CLEC12A: variants seen among roughly 807,000 people sequenced by gnomAD.
CLEC12A encodes the protein C-type lectin protein CLL-1.
A neutral mutation model predicts 26.5 loss-of-function variants in CLEC12A; 22 were observed. That is an observed-to-expected ratio of 0.83 (90% confidence interval 0.59 to 1.19). The LOEUF is 1.19. Among genes scored for constraint, CLEC12A ranks in the 50% most tolerant of loss-of-function variants. The probability of loss-of-function intolerance (pLI) is 0.00; values close to 1 mark genes in which losing one functional copy is unlikely to be tolerated. For missense variants in CLEC12A, 353 were observed against 315.6 expected, an observed-to-expected ratio of 1.12 and a Z score of -0.90; for synonymous variants, 119 against 101.9, an observed-to-expected ratio of 1.17 and a Z score of -1.01.
chr12:9,986,088 C>T (rs1343790594), downstream of CLEC12A: 11 of 454,354 alleles, frequency 2.4e-5, no homozygotes, highest in East Asian at 7.0e-5. Context: ...ATACAGATCC[C>T]GGCCCAGTGG....
chr12:9,995,859 C>G (rs1238034444), downstream of CLEC12A, among the ~76,000 whole-genome samples: 1 of 152,098 alleles, frequency 6.6e-6, no homozygotes, highest in African/African-American at 2.4e-5. Flanking sequence ...TTGGCTGTTG[C>G]TTTAACTAGA....
Position 9,982,069 on chromosome 12 carries a change from C to T in CLEC12A, c.581C>T (p.Ser194Phe), listed in dbSNP as rs759863424. 8 of 1,601,174 alleles carry T rather than the reference C, an allele frequency of 5.0e-6. No individual in the cohort carries two copies. The East Asian group carries it at 1.8e-4, about 36-fold the overall frequency. ...SRSYDYWLGL[S>F]PEEDSTRGMR... ...TCATATGACTATTGGCTGGGATTAT[C>T]TCCTGAAGAAGATTCCACTCGTGGT... Residue 194 changes from serine to phenylalanine, a missense_variant, in exon 5 of 6, where the codon TCT becomes TTT. Transcript: ENST00000304361.
At chr12:9,993,950 C>CT (rs1239997297) in intron 4 of CLEC12A, among the ~76,000 whole-genome samples, 3 of 152,036 alleles carry the variant, frequency 2.0e-5, no homozygotes, top group African/African-American at 7.2e-5. Context: ...AAGCTAATGT[C>CT]TTTCTTGTTG....
At chr12:10,005,473 G>A in the CLEC12A span, among the ~76,000 whole-genome samples, 3 of 152,116 alleles carry the variant, frequency 2.0e-5, no homozygotes, top group Admixed American at 6.5e-5. Context: ...TTGCTTCTAC[G>A]ATGACAGCTG....
chr12:10,002,645 T>C, the CLEC12A span, among the ~76,000 whole-genome samples: 1 of 151,866 alleles, frequency 6.6e-6, no homozygotes, highest in African/African-American at 2.4e-5. Flanking sequence ...GGTTTCACCG[T>C]GTTAGCCAGG....
intron 5 of CLEC12A, chr12:9,983,465 CTTT>C: frequency 1.5e-6 from 1 of 688,466 alleles, no homozygotes; most frequent in Non-Finnish European, 2.6e-6. Flanking sequence ...GAAAAAAAGT[CTTT>C]ACATATAAAA....
At chr12:9,997,046 C>T (rs1218047490), downstream of CLEC12A, 2 of 1,610,296 alleles carry the variant, frequency 1.2e-6, no homozygotes, top group Non-Finnish European at 1.7e-6. Flanking sequence ...CTAAATTGGG[C>T]TTACATTTTC....
chr12:9,997,090 C>T, downstream of CLEC12A: 1 of 1,609,236 alleles, frequency 6.2e-7, no homozygotes, highest in Non-Finnish European at 8.5e-7. Flanking sequence ...ATCTCAAACT[C>T]CCTTCAGTTG....
At chr12:10,004,606 A>T in the CLEC12A span, among the ~76,000 whole-genome samples, 5 of 151,514 alleles carry the variant, frequency 3.3e-5, no homozygotes. Flanking sequence ...TCTGATCTGG[A>T]GCCTGGAGTT....
chr12:9,995,077 G>T (rs561003040), exon 5 of CLEC12A: 1 of 1,602,310 alleles, frequency 6.2e-7, no homozygotes, highest in Admixed American at 1.7e-5. Context: ...ACTGAGAGAA[G>T]AGGGAATCTC....
At chr12:9,981,927 C>A (rs559466180) in intron 4 of CLEC12A, 93 bp from the exon 5 acceptor site, 18 of 645,864 alleles carry the variant, frequency 2.8e-5, no homozygotes, top group Non-Finnish European at 4.5e-5. Flanking sequence ...CAGTATGTTA[C>A]CTTAAAACAG....
chr12:10,002,536 G>A, the CLEC12A span, among the ~76,000 whole-genome samples: 259 of 146,628 alleles, frequency 1.8e-3, 1 homozygote, highest in Non-Finnish European at 3.1e-3. Context: ...TCCGCCTCCC[G>A]GGTTCACCCC....
rs527488423 is a variant in CLEC12A, at chr12:9,994,384, T to C, written n.1005-634T>C. 3.9e-5 allele frequency among the ~76,000 whole-genome samples: 6 copies of C among 152,298 alleles called. No individual in the cohort carries two copies. In the South Asian group the frequency reaches 1.2e-3, roughly 32 times the overall value. ...TTGTAGTATCCTAAGATCCTATCTA[T>C]AGTAAATACTTAATAAATATTTGTT... On this transcript the variant is annotated intron_variant and non_coding_transcript_variant, in intron 4 of 4. Transcript: ENST00000449959.
At position 9,985,477 on chromosome 12, in the gene CLEC12A, A is replaced by G. The variant is rs1407585892; in HGVS notation, c.*451A>G. The G allele has an allele frequency of 2.5e-6, 1 of 398,820 alleles. No individual in the cohort carries two copies. The highest frequency in any genetic ancestry group is 4.4e-6 in the Non-Finnish European group (1 of 226,334). 24.7% of individuals were successfully genotyped at this position (398,820 alleles called of 1,614,324 possible). A position where few individuals can be genotyped will look rare whatever the true frequency, so the allele number is the denominator to read the frequency against. ...CCTATGGCTGAAGGCCTTATGAGTC[A>G]AAGGACTTATAGCCAATTGATTGTT... On this transcript the variant is annotated 3_prime_UTR_variant, in exon 6 of 6. Coordinates refer to ENST00000304361, the MANE Select transcript of CLEC12A (RefSeq NM_138337.6).
At chr12:9,967,365 G>A (rs1591817822), upstream of CLEC12A, among the ~76,000 whole-genome samples, 2 of 152,276 alleles carry the variant, frequency 1.3e-5, no homozygotes, top group Admixed American at 1.3e-4. Context: ...TTTAGATCTT[G>A]TAGGATGGAA....
chr12:9,993,301 G>A, intron 4 of CLEC12A: 2 of 1,542,742 alleles, frequency 1.3e-6, no homozygotes, highest in East Asian at 2.4e-5. Flanking sequence ...TGAAGGGAAA[G>A]TTAGAATAAA....
At chr12:9,966,011 G>A (rs1460292012) in intron 1 of CLEC12A, among the ~76,000 whole-genome samples, 4 of 152,098 alleles carry the variant, frequency 2.6e-5, no homozygotes, top group African/African-American at 9.7e-5. Context: ...GAATAGTTAG[G>A]GAAGCAGATA....
intron 1 of CLEC12A, among the ~76,000 whole-genome samples, chr12:9,957,244 T>C (rs1031029779): frequency 6.6e-6 from 1 of 151,986 alleles, no homozygotes; most frequent in African/African-American, 2.4e-5. Context: ...TCCCAGTAAT[T>C]TGGGAGGCCA....
At chr12:9,970,812 G>T (rs749997828), upstream of CLEC12A, among the ~76,000 whole-genome samples, 1 of 152,044 alleles carries the variant, frequency 6.6e-6, no homozygotes, top group African/African-American at 2.4e-5. Context: ...GTGGTTTCTG[G>T]GCATCAGATC....
Sources: allele counts gnomAD v4.1 joint callset (sites outside exome capture counted in the v4.1 genomes callset), GRCh38; gene constraint gnomAD v4.1.1; transcripts MANE v1.5; gene names NCBI Gene and HGNC (gene_info 2026-07-23, HGNC 2026-07-21).